Variants in CACNA2D3 observed in about 807,000 individuals in gnomAD.
CACNA2D3 encodes calcium voltage-gated channel auxiliary subunit alpha2delta 3.
In CACNA2D3, 60 loss-of-function variants were observed where a neutral mutation model predicts 160.6. The ratio of observed to expected loss-of-function variants is 0.37; its 90% CI spans 0.30 to 0.46. CACNA2D3 has a LOEUF of 0.46. Ranked by LOEUF, CACNA2D3 falls within the 20% of genes least tolerant of loss-of-function variation. The pLI, the probability that CACNA2D3 is intolerant of heterozygous loss-of-function variation, is 1.00. For missense variants in CACNA2D3, 1,205 were observed against 1,365.0 expected, an observed-to-expected ratio of 0.88 and a Z score of 1.85; for synonymous variants, 558 against 492.9, an observed-to-expected ratio of 1.13 and a Z score of -1.75.
intron 9 of CACNA2D3, among the ~76,000 whole-genome samples, chr3:54,623,461 G>T (rs1451109253): frequency 6.6e-6 from 1 of 152,164 alleles, no homozygotes; most frequent in Non-Finnish European, 1.5e-5. Context: ...CCTTAATCTG[G>T]GAGGGAGGGA....
chr3:54,493,383 A>G (rs1330906636), intron 4 of CACNA2D3, among the ~76,000 whole-genome samples: 1 of 152,140 alleles, frequency 6.6e-6, no homozygotes, highest in East Asian at 1.9e-4. Flanking sequence ...GGCCTCAAGA[A>G]CTTTTTAGTG....
In CACNA2D3 at chr3:54,452,675, C is replaced by T. The variant is rs181535869; in HGVS notation, c.382-50817C>T. On this transcript the variant is annotated intron_variant, in intron 4 of 37. Coordinates refer to ENST00000474759, the MANE Select transcript of CACNA2D3 (RefSeq NM_018398.3). ...CTAGTACCAAAATCTGTATTAATTT[C>T]CCAGGGCTTCTGTAACAAAATACCA... is the stretch of plus-strand genomic sequence containing the variant. 8.7e-4 allele frequency among the ~76,000 whole-genome samples: 132 copies of T among 152,294 alleles called. 3 individuals are homozygous for T. The highest frequency in any genetic ancestry group is 1.4e-3 in the Admixed American group (21 of 15,284).
chr3:54,655,669 G>T (rs1164463516), intron 11 of CACNA2D3, among the ~76,000 whole-genome samples: 3 of 152,008 alleles, frequency 2.0e-5, no homozygotes, highest in Admixed American at 1.3e-4. Flanking sequence ...CTGAACTCCT[G>T]GTATCTATCA....
intron 17 of CACNA2D3, among the ~76,000 whole-genome samples, chr3:54,848,850 G>T (rs900075484): frequency 6.6e-5 from 10 of 152,196 alleles, no homozygotes. Context: ...ATAGATCGTA[G>T]CTTGTTGTCA....
chr3:54,795,542 A>G (rs1207090147), intron 13 of CACNA2D3, among the ~76,000 whole-genome samples: 2 of 152,206 alleles, frequency 1.3e-5, no homozygotes, highest in Admixed American at 1.3e-4. Flanking sequence ...TTGTTCTGGC[A>G]GTCAGTTAAC....
chr3:54,952,168 C>T (rs938924353), intron 27 of CACNA2D3, among the ~76,000 whole-genome samples: 1 of 152,180 alleles, frequency 6.6e-6, no homozygotes, highest in African/African-American at 2.4e-5. Context: ...TTATAAACTG[C>T]CTCCTGCACC....
Position 54,122,788 on chromosome 3 carries a change from C to T in CACNA2D3, c.75C>T (p.Ala25=). The change falls in exon 1 of 38, where the codon GCC becomes GCT. Residue 25 remains alanine (A), a synonymous_variant. Transcript: ENST00000474759. ...TTCTCGCTGCCGCGCTTCTCTACGC[C>T]GCGCTGGGGGACGTGGTGCGCTCGG... ...SALLAAALLY[A]ALGDVVRSEQ... 2.4e-6 allele frequency: 3 copies of T among 1,231,456 alleles called. No homozygotes were observed. Among genetic ancestry groups the T allele is most frequent in the Non-Finnish European group, 3.1e-6 (3 of 982,742 alleles). The allele number at this position is 1,231,456 out of a possible 1,614,324, so 76.3% of individuals were successfully genotyped here.
At chr3:54,423,379 T>A (rs1699866597) in intron 4 of CACNA2D3, among the ~76,000 whole-genome samples, 1 of 152,340 alleles carries the variant, frequency 6.6e-6, no homozygotes, top group Non-Finnish European at 1.5e-5. Context: ...TGGCATTTTT[T>A]AATTTAAGCC....
chr3:54,661,580 T>TA (rs1387051325), intron 11 of CACNA2D3, among the ~76,000 whole-genome samples: 4 of 151,936 alleles, frequency 2.6e-5, no homozygotes, highest in East Asian at 1.9e-4. Context: ...ACAGGTACAT[T>TA]AAAAAAATCC....
chr3:54,140,209 C>T (rs973082113), intron 2 of CACNA2D3, among the ~76,000 whole-genome samples: 17 of 152,168 alleles, frequency 1.1e-4, no homozygotes, highest in Admixed American at 8.5e-4. Flanking sequence ...CCTGGCATGC[C>T]GTCATTCCTG....
chr3:54,816,813 ACTTTTTT>A, intron 13 of CACNA2D3, 33 bp from the exon 14 acceptor site: 1 of 1,608,986 alleles, frequency 6.2e-7, no homozygotes, highest in African/African-American at 1.3e-5. Flanking sequence ...ATAATGATCA[ACTTTTTT>A]CTTTTTTGTT....
chr3:54,880,909 G>A (rs774256810), intron 21 of CACNA2D3, 46 bp downstream of exon 21: 1 of 1,532,146 alleles, frequency 6.5e-7, no homozygotes, highest in Non-Finnish European at 9.0e-7. Context: ...TGGGAGGAAA[G>A]CTCGGGAGCT....
At chr3:54,402,281 A>G (rs1026273511) in intron 4 of CACNA2D3, among the ~76,000 whole-genome samples, 1 of 152,168 alleles carries the variant, frequency 6.6e-6, no homozygotes, top group Non-Finnish European at 1.5e-5. Context: ...TTCTTTACCT[A>G]TCAATAATTA....
At chr3:54,334,142 A>G (rs1368303914) in intron 3 of CACNA2D3, among the ~76,000 whole-genome samples, 2 of 152,138 alleles carry the variant, frequency 1.3e-5, no homozygotes, top group African/African-American at 4.8e-5. Flanking sequence ...GCTGGAGTGC[A>G]GTAGTGTGAT....
At chr3:54,611,655 C>G (rs1033705916) in intron 9 of CACNA2D3, among the ~76,000 whole-genome samples, 2 of 152,218 alleles carry the variant, frequency 1.3e-5, no homozygotes, top group South Asian at 4.1e-4. Flanking sequence ...ACTATCCAGT[C>G]TCTTTGCTGA....
intron 31 of CACNA2D3, among the ~76,000 whole-genome samples, chr3:55,000,690 C>T (rs1232786507): frequency 1.3e-5 from 2 of 152,214 alleles, no homozygotes; most frequent in African/African-American, 2.4e-5. Flanking sequence ...TCCTGAGTTT[C>T]CTGCCATCTG....
At chr3:54,452,534 G>A (rs925115003) in intron 4 of CACNA2D3, among the ~76,000 whole-genome samples, 2 of 152,172 alleles carry the variant, frequency 1.3e-5, no homozygotes, top group South Asian at 2.1e-4. Context: ...ATTTCTCCCA[G>A]CAGTCTCTTT....
At position 55,008,921 on chromosome 3, in the gene CACNA2D3, A is replaced by ACAC. The variant is rs745772311; in HGVS notation, c.2820-466_2820-464dup. ...CACACACACACACACACACACACAC[A>ACAC]CACAGGGGGCTTAAACAAGTTCAAG... On this transcript the variant is annotated intron_variant, in intron 33 of 37. Coordinates refer to ENST00000474759, the MANE Select transcript of CACNA2D3 (RefSeq NM_018398.3). Among the ~76,000 whole-genome samples the ACAC allele has an allele frequency of 3.3e-4, 49 of 148,324 alleles. 1 individual carries two copies. In the East Asian group the frequency reaches 8.1e-3, roughly 25 times the overall value.
At chr3:54,737,273 T>C (rs1342334554) in intron 11 of CACNA2D3, among the ~76,000 whole-genome samples, 1 of 151,412 alleles carries the variant, frequency 6.6e-6, no homozygotes, top group Non-Finnish European at 1.5e-5. Flanking sequence ...AATTACACCA[T>C]GTGCTATGCA....
Sources: gnomAD v4.1 joint callset for allele counts (sites outside exome capture counted in the v4.1 genomes callset) on GRCh38, gnomAD v4.1.1 for gene constraint, MANE v1.5 for transcripts, NCBI Gene and HGNC (gene_info 2026-07-23, HGNC 2026-07-21) for gene names.